Variants in GALNT13 observed in about 807,000 individuals in gnomAD.
GALNT13 encodes UDP-GalNAc:polypeptide N-acetylgalactosaminyltransferase 13.
In GALNT13, 28 loss-of-function variants were observed where a neutral mutation model predicts 64.2. That is an observed-to-expected ratio of 0.44 (90% CI 0.32 to 0.60). The LOEUF (loss-of-function observed/expected upper bound fraction) is 0.60. GALNT13 is among the 20% of genes least tolerant of loss of function. The pLI is 0.05. For missense variants in GALNT13, 577 were observed against 669.8 expected, an observed-to-expected ratio of 0.86 and a Z score of 1.53; for synonymous variants, 214 against 224.6, an observed-to-expected ratio of 0.95 and a Z score of 0.42.
the GALNT13 span, among the ~76,000 whole-genome samples, chr2:153,718,503 C>T: frequency 1.3e-5 from 2 of 151,594 alleles, no homozygotes; most frequent in Non-Finnish European, 2.9e-5. Flanking sequence ...TTAAACTCAA[C>T]AGGAATAAAT....
intron 2 of GALNT13, among the ~76,000 whole-genome samples, chr2:153,917,086 C>T (rs1689406654): frequency 6.6e-6 from 1 of 152,164 alleles, no homozygotes; most frequent in Admixed American, 6.6e-5. Context: ...GAGATGACCT[C>T]TACCACCTAT....
At chr2:153,604,955 A>G in the GALNT13 span, among the ~76,000 whole-genome samples, 1 of 152,028 alleles carries the variant, frequency 6.6e-6, no homozygotes, top group African/African-American at 2.4e-5. Context: ...AGTGAGAAAT[A>G]TAGGGCCCAG....
chr2:153,494,678 C>T, the GALNT13 span, among the ~76,000 whole-genome samples: 1 of 151,730 alleles, frequency 6.6e-6, no homozygotes, highest in East Asian at 1.9e-4. Flanking sequence ...AGAAGAGAAA[C>T]CTTTGTGACC....
the GALNT13 span, among the ~76,000 whole-genome samples, chr2:153,851,968 T>C: frequency 6.6e-6 from 1 of 152,150 alleles, no homozygotes; most frequent in Non-Finnish European, 1.5e-5. Context: ...ATTGGTATAA[T>C]ATTATTTGAA....
At chr2:153,406,399 TTCTC>T in the GALNT13 span, among the ~76,000 whole-genome samples, 2 of 152,158 alleles carry the variant, frequency 1.3e-5, no homozygotes, top group Non-Finnish European at 2.9e-5. Context: ...TTTGTTTAAA[TTCTC>T]TATTTTTTTT....
intron 3 of GALNT13, among the ~76,000 whole-genome samples, chr2:154,069,423 G>C (rs1022389662): frequency 6.6e-6 from 1 of 151,744 alleles, no homozygotes; most frequent in Non-Finnish European, 1.5e-5. Flanking sequence ...GAAACACCAA[G>C]AGAGATTTTA....
the GALNT13 span, among the ~76,000 whole-genome samples, chr2:153,252,917 T>G: frequency 6.6e-6 from 1 of 152,098 alleles, no homozygotes; most frequent in African/African-American, 2.4e-5. Flanking sequence ...GCCTCCAGCT[T>G]TGTTCTTTTG....
At chr2:153,658,783 C>CT in the GALNT13 span, among the ~76,000 whole-genome samples, 50,311 of 149,218 alleles carry the variant, frequency 0.34, 8,626 homozygotes, top group East Asian at 0.49. Flanking sequence ...ACTTTGCTTG[C>CT]TTTTTTTTTT....
At chr2:153,341,404 C>T in the GALNT13 span, among the ~76,000 whole-genome samples, 53 of 152,290 alleles carry the variant, frequency 3.5e-4, no homozygotes, top group African/African-American at 1.3e-3. Flanking sequence ...AAAATAATGG[C>T]TTTCTAATTT....
At chr2:153,774,763 A>C in the GALNT13 span, among the ~76,000 whole-genome samples, 2 of 152,090 alleles carry the variant, frequency 1.3e-5, no homozygotes, top group Admixed American at 1.3e-4. Context: ...CTAAACAAAA[A>C]AACAGGCATG....
At chr2:153,645,476 G>T in the GALNT13 span, among the ~76,000 whole-genome samples, 1 of 151,966 alleles carries the variant, frequency 6.6e-6, no homozygotes, top group African/African-American at 2.4e-5. Flanking sequence ...GAGATAAAGT[G>T]ATTTAAAACA....
At chr2:154,267,324 G>A (rs1691067234) in intron 8 of GALNT13, among the ~76,000 whole-genome samples, 1 of 152,032 alleles carries the variant, frequency 6.6e-6, no homozygotes, top group Non-Finnish European at 1.5e-5. Flanking sequence ...TGGTAAATTA[G>A]ATATCATTAA....
At chr2:154,358,890 A>G (rs1559111587) in intron 9 of GALNT13, among the ~76,000 whole-genome samples, 1 of 152,158 alleles carries the variant, frequency 6.6e-6, no homozygotes, top group Admixed American at 6.6e-5. Context: ...CACTAAAAAC[A>G]GAACCTGTTT....
chr2:153,845,238 T>C, the GALNT13 span, among the ~76,000 whole-genome samples: 1 of 152,288 alleles, frequency 6.6e-6, no homozygotes, highest in South Asian at 2.1e-4. Flanking sequence ...GACTGGGTAA[T>C]TTATAATGAA....
intron 4 of GALNT13, among the ~76,000 whole-genome samples, chr2:154,150,004 C>T (rs560721690): frequency 6.6e-6 from 1 of 152,244 alleles, no homozygotes; most frequent in Admixed American, 6.5e-5. Flanking sequence ...CTGTCTTGTG[C>T]CCGTTTTCAA....
intron 4 of GALNT13, among the ~76,000 whole-genome samples, chr2:154,164,469 C>T (rs1684910962): frequency 6.6e-6 from 1 of 151,964 alleles, no homozygotes; most frequent in Admixed American, 6.6e-5. Flanking sequence ...GTAATAGAAG[C>T]ATGAGATACT....
chr2:153,684,069 AATAT>A, the GALNT13 span, among the ~76,000 whole-genome samples: 37,025 of 148,236 alleles, frequency 0.25, 4,779 homozygotes, highest in Admixed American at 0.32. Flanking sequence ...TCTTCATAAT[AATAT>A]ATATATATAT....
chr2:153,418,441 T>A, the GALNT13 span, among the ~76,000 whole-genome samples: 1 of 152,112 alleles, frequency 6.6e-6, no homozygotes, highest in Non-Finnish European at 1.5e-5. Context: ...ATGCAGAGAC[T>A]GAGAAAGGAG....
At chr2:153,611,175 G>C in the GALNT13 span, among the ~76,000 whole-genome samples, 1 of 152,100 alleles carries the variant, frequency 6.6e-6, no homozygotes, top group African/African-American at 2.4e-5. Context: ...AATGCAAATG[G>C]TTTGAAATTT....
Sources: allele counts gnomAD v4.1 joint callset (sites outside exome capture counted in the v4.1 genomes callset), GRCh38; gene constraint gnomAD v4.1.1; transcripts MANE v1.5; gene names NCBI Gene and HGNC (gene_info 2026-07-23, HGNC 2026-07-21).